Variants in SPOCK3 observed in about 807,000 individuals in gnomAD.
SPOCK3 encodes the protein testican-3.
In SPOCK3, 30 loss-of-function variants were observed where a neutral mutation model predicts 56.6. The observed-to-expected ratio is 0.53, with a 90% confidence interval of 0.40 to 0.72. The LOEUF (loss-of-function observed/expected upper bound fraction) is 0.72. Among genes scored for constraint, SPOCK3 ranks in the 30% least tolerant of loss-of-function variants. The pLI is 0.00. For synonymous variants in SPOCK3, 196 were observed against 183.3 expected, an observed-to-expected ratio of 1.07 and a Z score of -0.56; for missense variants, 527 against 530.0, an observed-to-expected ratio of 0.99 and a Z score of 0.06.
intron 6 of SPOCK3, among the ~76,000 whole-genome samples, chr4:166,829,234 T>C (rs1745789264): frequency 6.6e-6 from 1 of 152,034 alleles, no homozygotes; most frequent in South Asian, 2.1e-4. Flanking sequence ...TCCAAAATGG[T>C]AGTAATTTTG....
intron 6 of SPOCK3, among the ~76,000 whole-genome samples, chr4:166,809,577 C>T (rs4143464): frequency 6.6e-6 from 1 of 151,808 alleles, no homozygotes; most frequent in African/African-American, 2.4e-5. Flanking sequence ...TTGAGTCAGA[C>T]AGTCAATGTT....
At chr4:166,980,729 A>G (rs1317169643) in intron 4 of SPOCK3, among the ~76,000 whole-genome samples, 1 of 152,204 alleles carries the variant, frequency 6.6e-6, no homozygotes, top group Non-Finnish European at 1.5e-5. Context: ...GATCAGATGT[A>G]CCGCAAGCAG....
chr4:167,091,852 A>G (rs1758729235), intron 2 of SPOCK3, among the ~76,000 whole-genome samples: 1 of 152,168 alleles, frequency 6.6e-6, no homozygotes, highest in Non-Finnish European at 1.5e-5. Context: ...AATATTCAAA[A>G]TGAAATTATG....
In SPOCK3 at chr4:166,933,232, G is replaced by A. The variant is rs562455004; in HGVS notation, c.351-20489C>T. 5.3e-5 allele frequency among the ~76,000 whole-genome samples: 8 copies of A among 152,218 alleles called. No homozygotes were observed. In the South Asian group the frequency reaches 1.7e-3, roughly 32 times the overall value. On this transcript the variant is annotated intron_variant, in intron 4 of 10. Transcript: ENST00000357545. The stretch of plus-strand genomic sequence containing the variant: ...GATAATCTAATTTTGCCACTCTCTT[G>A]CTAAAAAATGATAAAATGAAATAAC...
chr4:167,087,656 C>T (rs1456958220), intron 2 of SPOCK3, among the ~76,000 whole-genome samples: 1 of 152,102 alleles, frequency 6.6e-6, no homozygotes, highest in Non-Finnish European at 1.5e-5. Flanking sequence ...GAGATTGCTC[C>T]TGCAGTAAAT....
intron 2 of SPOCK3, among the ~76,000 whole-genome samples, chr4:167,110,722 G>C (rs997371320): frequency 3.3e-5 from 5 of 151,772 alleles, no homozygotes; most frequent in Non-Finnish European, 7.4e-5. Context: ...CACTTAAGGG[G>C]GAAAAAATTC....
At chr4:167,072,145 A>G (rs1756744508) in intron 2 of SPOCK3, among the ~76,000 whole-genome samples, 3 of 152,008 alleles carry the variant, frequency 2.0e-5, no homozygotes, top group Admixed American at 6.6e-5. Context: ...AGTGAAGCAA[A>G]GAGAGATTAC....
In SPOCK3 at chr4:166,901,129, C is replaced by T. The variant is rs567240566; in HGVS notation, c.474+11491G>A. On this transcript the variant is annotated intron_variant, in intron 5 of 10. Transcript: ENST00000357545. ...GGCACCAGCTCCTGAACCTCCCATG[C>T]AAATCACCTGTCAACACCATCAGAC... is the stretch of plus-strand genomic sequence containing the variant. 8.5e-5 allele frequency among the ~76,000 whole-genome samples: 13 copies of T among 152,260 alleles called. 1 individual carries two copies. The South Asian group carries it at 1.0e-3, about 12-fold the overall frequency.
intron 2 of SPOCK3, among the ~76,000 whole-genome samples, chr4:167,085,939 G>C (rs1364724009): frequency 1.3e-5 from 2 of 151,978 alleles, no homozygotes; most frequent in South Asian, 2.1e-4. Flanking sequence ...CCATTGTTGG[G>C]ATAAACTACC....
At chr4:167,112,740 T>C (rs1307097262) in intron 2 of SPOCK3, among the ~76,000 whole-genome samples, 5 of 151,942 alleles carry the variant, frequency 3.3e-5, no homozygotes, top group Non-Finnish European at 4.4e-5. Context: ...AAAATTGCCT[T>C]AGAATGAAAA....
At chr4:166,884,527 TATG>T (rs1406421305) in intron 6 of SPOCK3, among the ~76,000 whole-genome samples, 1 of 152,088 alleles carries the variant, frequency 6.6e-6, no homozygotes, top group Non-Finnish European at 1.5e-5. Flanking sequence ...TACCACCCAA[TATG>T]ATGTTAAAAG....
At chr4:166,874,817 GAAAA>G (rs1732908578) in intron 6 of SPOCK3, among the ~76,000 whole-genome samples, 1 of 152,116 alleles carries the variant, frequency 6.6e-6, no homozygotes, top group Non-Finnish European at 1.5e-5. Flanking sequence ...TATCTTATTG[GAAAA>G]AGTAATCCCT....
chr4:166,786,428 C>A (rs1275077681), intron 7 of SPOCK3, among the ~76,000 whole-genome samples: 1 of 151,982 alleles, frequency 6.6e-6, no homozygotes, highest in African/African-American at 2.4e-5. Context: ...CTGCACTCAG[C>A]GTAAGGATCA....
At chr4:166,814,703 G>A (rs1450823695) in intron 6 of SPOCK3, among the ~76,000 whole-genome samples, 4 of 152,040 alleles carry the variant, frequency 2.6e-5, no homozygotes, top group Non-Finnish European at 5.9e-5. Flanking sequence ...TATTTTTGAG[G>A]ATTTGGGTGG....
rs1056397565 is a variant in SPOCK3, at chr4:167,120,010, T to C, written c.190-57473A>G. 5 of 570,134 alleles carry C rather than the reference T, an allele frequency of 8.8e-6. No homozygotes were observed. The East Asian group carries it at 1.1e-4, about 13-fold the overall frequency. The allele number at this position is 570,134 out of a possible 1,614,324, so 35.3% of individuals were successfully genotyped here. On this transcript the variant is annotated intron_variant, in intron 2 of 10. Transcript: ENST00000357545. ...ACTGAAATATTTTATGTTAAAGCAG[T>C]GTATCTCTTAAATTACATACATGGT...
At chr4:167,162,969 T>C (rs1413629294) in intron 2 of SPOCK3, among the ~76,000 whole-genome samples, 1 of 151,928 alleles carries the variant, frequency 6.6e-6, no homozygotes, top group Non-Finnish European at 1.5e-5. Flanking sequence ...TTTTTTTATT[T>C]ATAATTACTA....
intron 2 of SPOCK3, among the ~76,000 whole-genome samples, chr4:167,145,016 G>C (rs1265289322): frequency 6.6e-6 from 1 of 151,836 alleles, no homozygotes; most frequent in Non-Finnish European, 1.5e-5. Flanking sequence ...AAAAAAAACT[G>C]TAACACAGCA....
chr4:166,937,717 A>G (rs1740579582), intron 4 of SPOCK3, among the ~76,000 whole-genome samples: 2 of 149,298 alleles, frequency 1.3e-5, no homozygotes, highest in African/African-American at 4.9e-5. Flanking sequence ...TTATCCCTAA[A>G]GTAATGTGAG....
intron 5 of SPOCK3, among the ~76,000 whole-genome samples, chr4:166,893,221 A>C (rs1230012177): frequency 1.3e-5 from 2 of 152,138 alleles, no homozygotes; most frequent in Admixed American, 1.3e-4. Context: ...AGCCTTGATT[A>C]GGCATTAGTC....
Sources: allele counts gnomAD v4.1 joint callset (sites outside exome capture counted in the v4.1 genomes callset), GRCh38; gene constraint gnomAD v4.1.1; transcripts MANE v1.5; gene names NCBI Gene and HGNC (gene_info 2026-07-23, HGNC 2026-07-21).